TDRD3: variants seen among roughly 807,000 people sequenced by gnomAD.
TDRD3 encodes tudor domain-containing protein 3.
Under a neutral mutation model 86.7 loss-of-function variants are expected in TDRD3, and 45 were observed. The observed-to-expected ratio is 0.52, with a 90% CI of 0.41 to 0.67. The LOEUF is 0.67. Ranked by LOEUF, TDRD3 falls within the 30% of genes least tolerant of loss-of-function variation. The pLI is 0.00. For missense variants in TDRD3, 814 were observed against 889.0 expected (o/e 0.92, Z 1.07); for synonymous variants, 298 against 301.7 (o/e 0.99, Z 0.13).
intron 3 of TDRD3, among the ~76,000 whole-genome samples, chr13:60,454,306 A>C (rs1337138515): frequency 2.0e-5 from 3 of 152,114 alleles, no homozygotes; most frequent in Non-Finnish European, 2.9e-5. Context: ...AGTTTTGTAT[A>C]AATTTTCTAG....
At chr13:60,488,331 G>T (rs1196441065) in intron 7 of TDRD3, among the ~76,000 whole-genome samples, 1 of 152,112 alleles carries the variant, frequency 6.6e-6, no homozygotes, top group African/African-American at 2.4e-5. Flanking sequence ...CTTTTTGAAA[G>T]GCCTGAGTGT....
chr13:60,536,264 C>G (rs1186943544), intron 12 of TDRD3: 4 of 151,886 alleles, frequency 2.6e-5, no homozygotes, highest in African/African-American at 9.7e-5. Flanking sequence ...CCTTTTTGTT[C>G]TAGAGAAATT....
chr13:60,440,049 A>G (rs1955220502), intron 2 of TDRD3, among the ~76,000 whole-genome samples: 1 of 152,180 alleles, frequency 6.6e-6, no homozygotes, highest in Non-Finnish European at 1.5e-5. Flanking sequence ...TAACATTTAC[A>G]ATAGCTACGT....
chr13:60,404,267 A>G (rs1954176137), intron 1 of TDRD3, among the ~76,000 whole-genome samples: 1 of 151,516 alleles, frequency 6.6e-6, no homozygotes. Flanking sequence ...CAATGCACTC[A>G]TTCAACAAAT....
At chr13:60,553,553 TAAAAA>T (rs201762964) in intron 12 of TDRD3, among the ~76,000 whole-genome samples, 3 of 124,978 alleles carry the variant, frequency 2.4e-5, no homozygotes, top group African/African-American at 8.7e-5. Context: ...TTTTTTTAAA[TAAAAA>T]AAAAAAAAAG....
At chr13:60,478,772 G>A (rs921365131) in intron 5 of TDRD3, among the ~76,000 whole-genome samples, 9 of 147,682 alleles carry the variant, frequency 6.1e-5, no homozygotes, top group African/African-American at 2.2e-4. Context: ...TGTTCTTCTA[G>A]GTGCAACATT....
At chr13:60,497,279 A>G (rs192032519) in intron 8 of TDRD3, among the ~76,000 whole-genome samples, 15 of 152,306 alleles carry the variant, frequency 9.8e-5, no homozygotes, top group Admixed American at 9.1e-4. Context: ...GAGCTCCCAT[A>G]AAATGGGAGG....
At chr13:60,565,205 G>A (rs1331017751) in intron 12 of TDRD3, among the ~76,000 whole-genome samples, 1 of 151,844 alleles carries the variant, frequency 6.6e-6, no homozygotes, top group Non-Finnish European at 1.5e-5. Flanking sequence ...ACAGGCGCCC[G>A]CCACCGCGCC....
At chr13:60,423,767 A>G (rs535151283) in intron 1 of TDRD3, among the ~76,000 whole-genome samples, 80 of 152,334 alleles carry the variant, frequency 5.3e-4, no homozygotes, top group African/African-American at 1.9e-3. Flanking sequence ...GACACTTTAT[A>G]TCATAATTTA....
chr13:60,401,026 GTCCA>G (rs1335947937), intron 1 of TDRD3, among the ~76,000 whole-genome samples: 1 of 152,120 alleles, frequency 6.6e-6, no homozygotes, highest in East Asian at 1.9e-4. Flanking sequence ...TACTTTCCTA[GTCCA>G]GGAAAGATAA....
At chr13:60,400,051 C>A (rs1226329487) in intron 1 of TDRD3, among the ~76,000 whole-genome samples, 7 of 152,186 alleles carry the variant, frequency 4.6e-5, no homozygotes, top group Non-Finnish European at 8.8e-5. Context: ...GCCAGTAGCA[C>A]ACAAACTATT....
chr13:60,488,587 T>A (rs866998896), intron 7 of TDRD3, among the ~76,000 whole-genome samples: 11 of 152,104 alleles, frequency 7.2e-5, no homozygotes, highest in South Asian at 2.1e-4. Flanking sequence ...TGTTTTTTTT[T>A]ATTTTTGACA....
intron 7 of TDRD3, among the ~76,000 whole-genome samples, chr13:60,489,458 T>C (rs1350368613): frequency 6.6e-6 from 1 of 152,212 alleles, no homozygotes; most frequent in East Asian, 1.9e-4. Context: ...GTCAGTCTAG[T>C]AAAGGGGCCA....
chr13:60,568,188 A>G (rs1483534329), intron 13 of TDRD3, among the ~76,000 whole-genome samples: 1 of 152,106 alleles, frequency 6.6e-6, no homozygotes, highest in Admixed American at 6.5e-5. Flanking sequence ...AATTTTTTTC[A>G]TCTGTTCTAA....
Position 60,439,306 on chromosome 13 carries a change from A to G in TDRD3, c.42-382A>G, listed in dbSNP as rs575833934. Among the ~76,000 whole-genome samples the G allele has an allele frequency of 3.5e-4, 54 of 152,212 alleles. No individual in the cohort carries two copies. In the South Asian group the frequency reaches 0.01, roughly 29 times the overall value. ...CTCAGTTTAAAACAGTGTTTATTTT[A>G]GTTTTATTTTTATAACACATCTCAA... is the stretch of plus-strand genomic sequence containing the variant. On this transcript the variant is annotated intron_variant, in intron 1 of 13. Coordinates refer to ENST00000377881, the MANE Select transcript of TDRD3 (RefSeq NM_001146070.2).
intron 1 of TDRD3, among the ~76,000 whole-genome samples, chr13:60,408,620 G>A (rs145428850): frequency 1.2e-3 from 186 of 152,292 alleles, no homozygotes; most frequent in African/African-American, 4.2e-3. Flanking sequence ...CCCTGCCCTA[G>A]AGATTTGTGG....
intron 3 of TDRD3, among the ~76,000 whole-genome samples, chr13:60,459,419 C>G (rs1236094135): frequency 6.6e-6 from 1 of 152,074 alleles, no homozygotes. Flanking sequence ...TTATTTTTAT[C>G]TTTGATTGAA....
chr13:60,417,019 C>CT (rs560202011), intron 1 of TDRD3, among the ~76,000 whole-genome samples: 7,914 of 141,932 alleles, frequency 0.056, 268 homozygotes, highest in South Asian at 0.13. Context: ...CTCTCTCTCT[C>CT]TTTTTTTTTT....
intron 5 of TDRD3, among the ~76,000 whole-genome samples, chr13:60,473,968 T>C (rs1385336008): frequency 6.6e-6 from 1 of 152,028 alleles, no homozygotes; most frequent in Non-Finnish European, 1.5e-5. Context: ...CTCCACCACC[T>C]CTTGTGAAAG....
Sources: gnomAD v4.1 joint callset for allele counts (sites outside exome capture counted in the v4.1 genomes callset) on GRCh38, gnomAD v4.1.1 for gene constraint, MANE v1.5 for transcripts, NCBI Gene and HGNC (gene_info 2026-07-23, HGNC 2026-07-21) for gene names.